WDR72: variants seen among roughly 807,000 people sequenced by gnomAD.
WDR72 encodes WD repeat-containing protein 72.
Under a neutral mutation model 124.2 loss-of-function variants are expected in WDR72, and 120 were observed. The ratio of observed to expected loss-of-function variants is 0.97; its 90% CI spans 0.83 to 1.12. The LOEUF is 1.12. Among genes scored for constraint, WDR72 ranks in the 50% most tolerant of loss-of-function variants. WDR72 has a pLI of 0.00. For synonymous variants in WDR72, 452 were observed against 441.7 expected (o/e 1.02, Z -0.29); for missense variants, 1,387 against 1,278.8 (o/e 1.08, Z -1.29).
At chr15:53,598,583 T>C (rs2012891911) in intron 17 of WDR72, among the ~76,000 whole-genome samples, 2 of 152,312 alleles carry the variant, frequency 1.3e-5, no homozygotes, top group Middle Eastern at 3.4e-3. Context: ...GCTGAAATCC[T>C]GGGGCAGAAA....
At chr15:53,544,004 T>C (rs1284263453) in intron 18 of WDR72, among the ~76,000 whole-genome samples, 2 of 151,296 alleles carry the variant, frequency 1.3e-5, no homozygotes, top group South Asian at 2.1e-4. Flanking sequence ...GGAGCTGAAA[T>C]TGTGGCAATA....
chr15:53,762,131 C>G (rs1334826975), upstream of WDR72, among the ~76,000 whole-genome samples: 1 of 152,094 alleles, frequency 6.6e-6, no homozygotes, highest in Non-Finnish European at 1.5e-5. Flanking sequence ...TTTAACTCCT[C>G]CTTTTTTTCA....
intron 2 of WDR72, among the ~76,000 whole-genome samples, chr15:53,727,431 C>T (rs1197874650): frequency 1.3e-5 from 2 of 152,144 alleles, no homozygotes; most frequent in Non-Finnish European, 2.9e-5. Flanking sequence ...TCATTTCTAT[C>T]ATAATCAGAA....
At chr15:53,551,553 A>G (rs930745611) in intron 18 of WDR72, among the ~76,000 whole-genome samples, 8 of 152,158 alleles carry the variant, frequency 5.3e-5, no homozygotes, top group Admixed American at 2.6e-4. Context: ...TTACCTGTCC[A>G]TAAATAACCT....
intron 13 of WDR72, among the ~76,000 whole-genome samples, chr15:53,666,121 A>C (rs985728290): frequency 2.0e-5 from 3 of 152,178 alleles, no homozygotes. Context: ...TAGTGTTCCA[A>C]CTCACAAGCA....
chr15:53,549,018 A>T (rs942880535), intron 18 of WDR72, among the ~76,000 whole-genome samples: 15 of 152,230 alleles, frequency 9.9e-5, no homozygotes, highest in African/African-American at 3.6e-4. Context: ...AAAGAACACA[A>T]ACATCTAGGT....
At position 53,563,123 on chromosome 15, in the gene WDR72, C is replaced by T. The variant is rs188388399; in HGVS notation, c.3148+33956G>A. ...ATCACTTTCGGAAAGAAATTTTCCA[C>T]GTAACAAAATAGTAGCTAGAAAAAT... On this transcript the variant is annotated intron_variant, in intron 18 of 19. Transcript: ENST00000360509. 3.4e-4 allele frequency among the ~76,000 whole-genome samples: 51 copies of T among 151,782 alleles called. No homozygotes were observed. The East Asian group carries it at 6.8e-3, about 20-fold the overall frequency.
intron 14 of WDR72, among the ~76,000 whole-genome samples, chr15:53,650,454 A>C (rs563130116): frequency 2.6e-5 from 4 of 152,188 alleles, no homozygotes; most frequent in African/African-American, 4.8e-5. Context: ...AAGAAGTTGA[A>C]GTCCAGGTTC....
intron 14 of WDR72, among the ~76,000 whole-genome samples, chr15:53,646,783 T>G (rs2015057507): frequency 6.6e-6 from 1 of 151,596 alleles, no homozygotes; most frequent in African/African-American, 2.4e-5. Context: ...ATAGAAAACG[T>G]CAAATAAAAG....
rs897763496 is a variant in WDR72, at chr15:53,516,103, G to A, written c.*1596C>T. The A allele has an allele frequency of 6.6e-6, 1 of 151,950 alleles. No homozygotes were observed. Among genetic ancestry groups the A allele is most frequent in the East Asian group, 1.9e-4 (1 of 5,182 alleles). 9.4% of individuals were successfully genotyped at this position (151,950 alleles called of 1,614,324 possible). A position where few individuals can be genotyped will look rare whatever the true frequency, so the allele number is the denominator to read the frequency against. Reference sequence around the variant, plus strand: ...TGGCTTTTGACTGTTTCTAAAGGAGGGGGAATATATTTATCAATCAGTTTT... The same window carrying A: ...TGGCTTTTGACTGTTTCTAAAGGAGAGGGAATATATTTATCAATCAGTTTT... On this transcript the variant is annotated 3_prime_UTR_variant, in exon 20 of 20. Coordinates refer to ENST00000360509, the MANE Select transcript of WDR72 (RefSeq NM_182758.4).
intron 18 of WDR72, among the ~76,000 whole-genome samples, chr15:53,576,296 G>A (rs754420387): frequency 2.0e-5 from 3 of 152,158 alleles, no homozygotes; most frequent in Non-Finnish European, 2.9e-5. Flanking sequence ...CTTGAAAGGA[G>A]TTTCAGCTGT....
At chr15:53,531,674 C>G (rs762815043) in intron 18 of WDR72, among the ~76,000 whole-genome samples, 2 of 151,846 alleles carry the variant, frequency 1.3e-5, no homozygotes, top group Non-Finnish European at 2.9e-5. Flanking sequence ...CAAACATGCA[C>G]GTGGATAAAG....
intron 18 of WDR72, among the ~76,000 whole-genome samples, chr15:53,531,678 G>T (rs951718350): frequency 6.6e-6 from 1 of 152,026 alleles, no homozygotes; most frequent in African/African-American, 2.4e-5. Context: ...CATGCACGTG[G>T]ATAAAGGGAA....
intron 1 of WDR72, among the ~76,000 whole-genome samples, chr15:53,737,574 A>G (rs1347673100): frequency 1.3e-5 from 2 of 152,316 alleles, no homozygotes; most frequent in East Asian, 3.9e-4. Context: ...GGTGGTCACT[A>G]TATAATGATT....
intron 1 of WDR72, among the ~76,000 whole-genome samples, chr15:53,740,546 T>C (rs965308102): frequency 6.6e-6 from 1 of 152,146 alleles, no homozygotes; most frequent in Non-Finnish European, 1.5e-5. Context: ...TCCGCCCGCC[T>C]CCGCCTCCCA....
intron 13 of WDR72, among the ~76,000 whole-genome samples, chr15:53,691,077 T>C (rs1482149721): frequency 3.3e-5 from 5 of 152,132 alleles, no homozygotes; most frequent in South Asian, 2.1e-4. Flanking sequence ...CTTTATAGGG[T>C]CTCATTCTGT....
At chr15:53,684,941 G>A (rs1461965431) in intron 13 of WDR72, among the ~76,000 whole-genome samples, 1 of 152,144 alleles carries the variant, frequency 6.6e-6, no homozygotes, top group African/African-American at 2.4e-5. Flanking sequence ...CACCCCCCTA[G>A]CAGGGGCACA....
intron 13 of WDR72, among the ~76,000 whole-genome samples, chr15:53,682,656 T>G (rs993942704): frequency 1.3e-5 from 2 of 152,138 alleles, no homozygotes; most frequent in African/African-American, 2.4e-5. Flanking sequence ...CACATATCTC[T>G]AGGGCAGGGG....
chr15:53,606,360 G>A (rs759231566), intron 17 of WDR72, among the ~76,000 whole-genome samples: 1 of 152,110 alleles, frequency 6.6e-6, no homozygotes, highest in Admixed American at 6.5e-5. Context: ...AAAGTTGCCT[G>A]TACTTGTGTT....
Sources: gnomAD v4.1 joint callset for allele counts (sites outside exome capture counted in the v4.1 genomes callset) on GRCh38, gnomAD v4.1.1 for gene constraint, MANE v1.5 for transcripts, NCBI Gene and HGNC (gene_info 2026-07-23, HGNC 2026-07-21) for gene names.